Variants in MYO3B observed in about 807,000 individuals in gnomAD.
MYO3B encodes myosin IIIB.
A neutral mutation model predicts 174.6 loss-of-function variants in MYO3B; 156 were observed. The observed-to-expected ratio is 0.89, with a 90% CI of 0.78 to 1.02. MYO3B has a LOEUF of 1.02. Ranked by LOEUF, MYO3B falls within the 50% of genes least tolerant of loss-of-function variation. The probability of loss-of-function intolerance (pLI) is 0.00; values close to 1 mark genes in which losing one functional copy is unlikely to be tolerated. For missense variants in MYO3B, 1,632 were observed against 1,639.4 expected (o/e 1.00, Z 0.08); for synonymous variants, 563 against 569.1 (o/e 0.99, Z 0.15).
intron 30 of MYO3B, among the ~76,000 whole-genome samples, chr2:170,536,983 C>T (rs889091128): frequency 1.3e-4 from 19 of 151,858 alleles, no homozygotes; most frequent in African/African-American, 3.9e-4. Flanking sequence ...AGGTGAATCA[C>T]GAGGTCAGGC....
At chr2:170,497,781 G>C (rs567087984) in intron 25 of MYO3B, among the ~76,000 whole-genome samples, 1 of 151,452 alleles carries the variant, frequency 6.6e-6, no homozygotes, top group South Asian at 2.1e-4. Flanking sequence ...GATGGGTGAG[G>C]AAAAGATATT....
chr2:170,200,483 C>T (rs926070441), intron 3 of MYO3B, among the ~76,000 whole-genome samples, 199 bp downstream of exon 3: 3 of 152,178 alleles, frequency 2.0e-5, no homozygotes, highest in African/African-American at 7.2e-5. Context: ...TTTTGTTTCT[C>T]TGCTTCAGAG....
At chr2:170,480,810 T>C (rs1012398311) in intron 25 of MYO3B, among the ~76,000 whole-genome samples, 1 of 152,244 alleles carries the variant, frequency 6.6e-6, no homozygotes, top group African/African-American at 2.4e-5. Flanking sequence ...AGTCTTAGTG[T>C]TGATGATTGT....
At chr2:170,425,498 T>A (rs2094653264) in intron 22 of MYO3B, among the ~76,000 whole-genome samples, 1 of 152,252 alleles carries the variant, frequency 6.6e-6, no homozygotes, top group African/African-American at 2.4e-5. Flanking sequence ...TTGAATTTAG[T>A]AGAGTGGTTC....
intron 22 of MYO3B, among the ~76,000 whole-genome samples, chr2:170,413,708 A>G (rs1383949599): frequency 6.6e-6 from 1 of 151,494 alleles, no homozygotes; most frequent in Admixed American, 6.6e-5. Context: ...TTTTTTCTTC[A>G]TAACTATGCC....
At chr2:170,445,276 A>G (rs1374521617) in intron 23 of MYO3B, among the ~76,000 whole-genome samples, 1 of 152,212 alleles carries the variant, frequency 6.6e-6, no homozygotes, top group East Asian at 1.9e-4. Context: ...TATTTTCTCC[A>G]TGAGGCATAT....
At chr2:170,294,342 A>C (rs1025907112) in intron 7 of MYO3B, among the ~76,000 whole-genome samples, 2 of 151,046 alleles carry the variant, frequency 1.3e-5, no homozygotes, top group Non-Finnish European at 3.0e-5. Flanking sequence ...TATAAAATTT[A>C]TTCTAAAAAC....
At chr2:170,227,451 A>G (rs542693267) in intron 6 of MYO3B, among the ~76,000 whole-genome samples, 1 of 103,400 alleles carries the variant, frequency 9.7e-6, no homozygotes, top group South Asian at 4.0e-4. Flanking sequence ...CGCCCCGCTA[A>G]TTTTTGTATT....
At chr2:170,373,957 G>T (rs1211092446) in intron 9 of MYO3B, among the ~76,000 whole-genome samples, 1 of 152,162 alleles carries the variant, frequency 6.6e-6, no homozygotes. Flanking sequence ...TCGACATCAT[G>T]ATTGCTTAAT....
chr2:170,312,977 T>C (rs147745047), intron 7 of MYO3B, among the ~76,000 whole-genome samples: 90 of 152,354 alleles, frequency 5.9e-4, no homozygotes, highest in African/African-American at 2.1e-3. Context: ...TCATGGTGTT[T>C]TATTTTCTTA....
intron 15 of MYO3B, 126 bp from the exon 16 acceptor site, chr2:170,392,255 T>A (rs1206149995): frequency 5.3e-6 from 3 of 561,582 alleles, no homozygotes; most frequent in Middle Eastern, 2.7e-4. Context: ...ATCACACCAC[T>A]GCACTTCAGG....
intron 16 of MYO3B, among the ~76,000 whole-genome samples, chr2:170,393,504 G>C (rs898402810): frequency 6.6e-6 from 1 of 151,954 alleles, no homozygotes; most frequent in South Asian, 2.1e-4. Flanking sequence ...TTATGTCATA[G>C]TTTCTGGGCT....
chr2:170,455,289 C>T (rs1241443418), intron 23 of MYO3B, among the ~76,000 whole-genome samples: 1 of 152,206 alleles, frequency 6.6e-6, no homozygotes, highest in Non-Finnish European at 1.5e-5. Context: ...GTTCAGCTTA[C>T]ACCCAGGAAT....
At chr2:170,510,364 A>G (rs1392995972) in intron 28 of MYO3B, among the ~76,000 whole-genome samples, 1 of 152,192 alleles carries the variant, frequency 6.6e-6, no homozygotes, top group Non-Finnish European at 1.5e-5. Context: ...TCAGTTTGAG[A>G]ACACTAGATC....
intron 2 of MYO3B, 94 bp downstream of exon 2, chr2:170,199,485 A>C: frequency 1.0e-6 from 1 of 998,630 alleles, no homozygotes; most frequent in Non-Finnish European, 1.4e-6. Flanking sequence ...AATTTTCATG[A>C]AACCTGGTAT....
intron 7 of MYO3B, among the ~76,000 whole-genome samples, chr2:170,241,094 C>T (rs1196282418): frequency 6.6e-6 from 1 of 151,216 alleles, no homozygotes; most frequent in Admixed American, 6.6e-5. Flanking sequence ...CTCCCTTTGC[C>T]TTTCTCTTAT....
At chr2:170,267,036 G>T (rs1288488470) in intron 7 of MYO3B, among the ~76,000 whole-genome samples, 3 of 152,096 alleles carry the variant, frequency 2.0e-5, no homozygotes, top group African/African-American at 7.2e-5. Flanking sequence ...TTTTTCTAGA[G>T]ATATATTTCT....
At chr2:170,576,341 G>C (rs887469609) in intron 32 of MYO3B, among the ~76,000 whole-genome samples, 2 of 152,182 alleles carry the variant, frequency 1.3e-5, no homozygotes, top group African/African-American at 4.8e-5. Context: ...GCTAGTTCTG[G>C]GAGTATGGGG....
intron 7 of MYO3B, among the ~76,000 whole-genome samples, chr2:170,275,828 G>A (rs1314807607): frequency 3.3e-5 from 5 of 151,958 alleles, no homozygotes; most frequent in African/African-American, 4.8e-5. Context: ...AAATGATAGT[G>A]TTTATATTTT....
Sources: allele counts gnomAD v4.1 joint callset (sites outside exome capture counted in the v4.1 genomes callset), GRCh38; gene constraint gnomAD v4.1.1; transcripts MANE v1.5; gene names NCBI Gene and HGNC (gene_info 2026-07-23, HGNC 2026-07-21).